The following XKRX variants were observed in gnomAD, a reference collection of about 807,000 sequenced individuals.
The protein encoded by XKRX is XK related X-linked.
In XKRX, 11 loss-of-function variants were observed where a neutral mutation model predicts 22.4. The ratio of observed to expected loss-of-function variants is 0.49; its 90% CI spans 0.31 to 0.81. The LOEUF (loss-of-function observed/expected upper bound fraction) is 0.81, where lower values mean the gene tolerates loss of function less well. Ranked by LOEUF, XKRX falls within the 40% of genes least tolerant of loss-of-function variation. The pLI, the probability that XKRX is intolerant of heterozygous loss-of-function variation, is 0.05. For missense variants in XKRX, 320 were observed against 336.5 expected (o/e 0.95, Z 0.38); for synonymous variants, 114 against 132.2 (o/e 0.86, Z 0.94).
At chrX:100,956,429 G>A in the XKRX span, among the ~76,000 whole-genome samples, 6 of 111,710 alleles carry the variant, frequency 5.4e-5, no homozygotes, top group Non-Finnish European at 1.1e-4. Context: ...GCAACAGAGT[G>A]AGACCCTGTC....
the XKRX span, among the ~76,000 whole-genome samples, chrX:100,941,726 TTACA>T: frequency 9.0e-6 from 1 of 111,515 alleles, no homozygotes; most frequent in Non-Finnish European, 1.9e-5. Flanking sequence ...AGCTACCTTC[TTACA>T]TATTCTCCCT....
At chrX:100,889,396 T>G in the XKRX span, among the ~76,000 whole-genome samples, 2 of 109,905 alleles carry the variant, frequency 1.8e-5, no homozygotes, top group Non-Finnish European at 3.8e-5. Flanking sequence ...ACTTATTTAT[T>G]TATTTATTTT....
At chrX:100,929,770 T>C (rs2085514886), upstream of XKRX, among the ~76,000 whole-genome samples, 1 of 111,491 alleles carries the variant, frequency 9.0e-6, no homozygotes, top group South Asian at 3.8e-4. Flanking sequence ...AACTTACAGG[T>C]CTTTGGTTGA....
the XKRX span, among the ~76,000 whole-genome samples, chrX:100,949,297 T>G: frequency 1.8e-5 from 2 of 110,348 alleles, no homozygotes; most frequent in African/African-American, 6.6e-5. Context: ...AACACAGACC[T>G]GCACACCACA....
At chrX:100,950,647 C>G in the XKRX span, among the ~76,000 whole-genome samples, 1 of 111,741 alleles carries the variant, frequency 8.9e-6, no homozygotes, top group Non-Finnish European at 1.9e-5. Context: ...ATAAAATAAA[C>G]CTAAACAAAA....
At chrX:100,908,670 G>C (rs1225432081), downstream of XKRX, among the ~76,000 whole-genome samples, 1 of 111,531 alleles carries the variant, frequency 9.0e-6, no homozygotes, top group East Asian at 2.8e-4. Context: ...AGAGAACAAG[G>C]GTTCCCACTC....
chrX:100,931,155 A>T (rs866935986), upstream of XKRX, among the ~76,000 whole-genome samples: 21 of 49,370 alleles, frequency 4.3e-4, no homozygotes, highest in East Asian at 4.8e-3. Flanking sequence ...ATTAAAAATA[A>T]AAAAAAAAAA....
chrX:100,897,545 A>T, the XKRX span, among the ~76,000 whole-genome samples: 1 of 102,180 alleles, frequency 9.8e-6, no homozygotes, highest in Non-Finnish European at 2.0e-5. Context: ...AAATCACATT[A>T]CTGCACTCCA....
the XKRX span, among the ~76,000 whole-genome samples, chrX:100,939,670 A>G: frequency 1.8e-5 from 2 of 112,282 alleles, no homozygotes; most frequent in African/African-American, 6.5e-5. Context: ...AGGGTAAGTC[A>G]TGGGATCAGC....
At chrX:100,957,415 G>A in the XKRX span, 18 of 1,205,858 alleles carry the variant, frequency 1.5e-5, no homozygotes, top group Admixed American at 3.5e-4. Flanking sequence ...TACCGCATGT[G>A]CATCCAGTCT....
In XKRX at chrX:100,914,178, T is replaced by C. The variant is rs2085419193; in HGVS notation, c.*160A>G. On this transcript the variant is annotated 3_prime_UTR_variant, in exon 3 of 3. Coordinates refer to ENST00000372956, the MANE Select transcript of XKRX (RefSeq NM_212559.3). ...AACATAGTGGTAACTCTTAAGAAAA[T>C]AAAACCTATTTGGGAGTTGCTCTTT... is the stretch of plus-strand genomic sequence containing the variant. 3.3e-6 allele frequency: 2 copies of C among 610,834 alleles called. No individual in the cohort carries two copies. Among genetic ancestry groups the C allele is most frequent in the African/African-American group, 2.2e-5 (1 of 44,889 alleles). 50.3% of individuals were successfully genotyped at this position (610,834 alleles called of 1,213,427 possible). A position where few individuals can be genotyped will look rare whatever the true frequency, so the allele number is the denominator to read the frequency against.
chrX:100,904,742 C>T, the XKRX span, among the ~76,000 whole-genome samples: 1 of 111,522 alleles, frequency 9.0e-6, no homozygotes, highest in Non-Finnish European at 1.9e-5. Context: ...GAAGGAAGGT[C>T]TTATGGGTAA....
the XKRX span, among the ~76,000 whole-genome samples, chrX:100,893,005 A>G: frequency 6.5e-4 from 73 of 112,416 alleles, no homozygotes; most frequent in African/African-American, 2.3e-3. Context: ...TTAAAAAAAG[A>G]AGGAAATCCT....
upstream of XKRX, among the ~76,000 whole-genome samples, chrX:100,932,718 A>G (rs1464610868): frequency 3.6e-5 from 4 of 112,379 alleles, no homozygotes; most frequent in Non-Finnish European, 5.6e-5. Flanking sequence ...GAAAGAGGAG[A>G]GGAAGGACAG....
At chrX:100,898,118 T>C in the XKRX span, among the ~76,000 whole-genome samples, 3 of 111,745 alleles carry the variant, frequency 2.7e-5, no homozygotes, top group Non-Finnish European at 5.6e-5. Flanking sequence ...ACTTTCACAA[T>C]ACTTTGGAAT....
the XKRX span, chrX:100,957,320 C>T: frequency 2.8e-6 from 3 of 1,078,482 alleles, no homozygotes; most frequent in South Asian, 3.7e-5. Context: ...TACATGGTGA[C>T]CTCATTGTGA....
chrX:100,919,606 A>C (rs1305253911), intron 2 of XKRX, among the ~76,000 whole-genome samples: 1 of 112,087 alleles, frequency 8.9e-6, no homozygotes, highest in Non-Finnish European at 1.9e-5. Context: ...TAAAATATAT[A>C]AACAAGCAAT....
chrX:100,950,997 C>T, the XKRX span, among the ~76,000 whole-genome samples: 5 of 110,237 alleles, frequency 4.5e-5, no homozygotes, highest in Non-Finnish European at 7.6e-5. Flanking sequence ...CTTTGGGAGG[C>T]CAAGGCAGGC....
the XKRX span, among the ~76,000 whole-genome samples, chrX:100,890,713 A>C: frequency 9.0e-6 from 1 of 111,412 alleles, no homozygotes; most frequent in Non-Finnish European, 1.9e-5. Flanking sequence ...GACATCTGGC[A>C]AGCTGGCTCT....
Sources: gnomAD v4.1 joint callset for allele counts (sites outside exome capture counted in the v4.1 genomes callset) on GRCh38, gnomAD v4.1.1 for gene constraint, MANE v1.5 for transcripts, NCBI Gene and HGNC (gene_info 2026-07-23, HGNC 2026-07-21) for gene names.